DNMBP: variants seen among roughly 807,000 people sequenced by gnomAD.
DNMBP encodes the protein dynamin binding protein, also known as dynamin-binding protein.
A neutral mutation model predicts 150.0 loss-of-function variants in DNMBP; 87 were observed. The ratio of observed to expected loss-of-function variants is 0.58; its 90% CI spans 0.49 to 0.69. The LOEUF is 0.69. DNMBP is among the 30% of genes least tolerant of loss of function. The pLI, the probability that DNMBP is intolerant of heterozygous loss-of-function variation, is 0.00. For missense variants in DNMBP, 1,774 were observed against 1,949.0 expected (o/e 0.91, Z 1.69); for synonymous variants, 711 against 750.4 (o/e 0.95, Z 0.86).
In DNMBP at chr10:99,980,362, G is replaced by A. The variant is rs183285573; in HGVS notation, c.-10-8228C>T. Among the ~76,000 whole-genome samples, 4 of 151,588 alleles carry A rather than the reference G, an allele frequency of 2.6e-5. No individual in the cohort carries two copies. The South Asian group carries it at 8.3e-4, about 32-fold the overall frequency. On this transcript the variant is annotated intron_variant, in intron 1 of 16. Transcript: ENST00000324109. ...CTCAAGAGGCTGAGGCAGGAGAATCGTTTGAACCCAGAAGGCAGAGGTTGC... is the reference window on the plus strand; with the variant it reads ...CTCAAGAGGCTGAGGCAGGAGAATCATTTGAACCCAGAAGGCAGAGGTTGC...
At chr10:99,935,109 A>AG (rs1270039181) in intron 4 of DNMBP, among the ~76,000 whole-genome samples, 5 of 150,546 alleles carry the variant, frequency 3.3e-5, no homozygotes, top group African/African-American at 1.2e-4. Flanking sequence ...AAAAAAAAAA[A>AG]AAAAGAAAAG....
At chr10:99,925,984 G>A (rs1486318303) in intron 4 of DNMBP, among the ~76,000 whole-genome samples, 1 of 152,114 alleles carries the variant, frequency 6.6e-6, no homozygotes, top group Non-Finnish European at 1.5e-5. Context: ...CTCCTATTTT[G>A]TAGCCTTCCA....
intron 11 of DNMBP, 61 bp from the exon 12 acceptor site, chr10:99,889,014 C>G: frequency 1.9e-6 from 3 of 1,575,350 alleles, no homozygotes; most frequent in Non-Finnish European, 1.7e-6. Context: ...TTTTGTCATA[C>G]ATTCCAAGAC....
chr10:99,932,147 T>A (rs2040166690), intron 4 of DNMBP, among the ~76,000 whole-genome samples: 1 of 152,238 alleles, frequency 6.6e-6, no homozygotes, highest in Non-Finnish European at 1.5e-5. Context: ...CTTTTAGCTG[T>A]CTGGTCATTT....
intron 1 of DNMBP, among the ~76,000 whole-genome samples, chr10:99,985,898 G>A (rs1056806751): frequency 4.6e-5 from 7 of 152,102 alleles, no homozygotes; most frequent in Admixed American, 6.6e-5. Flanking sequence ...CCACAGGCAT[G>A]CACCACTATG....
At chr10:99,921,437 A>G (rs961035855) in intron 4 of DNMBP, among the ~76,000 whole-genome samples, 3 of 152,234 alleles carry the variant, frequency 2.0e-5, no homozygotes, top group African/African-American at 7.2e-5. Flanking sequence ...GTACTATGTT[A>G]GATTCTGGAA....
intron 4 of DNMBP, among the ~76,000 whole-genome samples, chr10:99,932,150 G>C (rs1178782538): frequency 6.6e-6 from 1 of 152,118 alleles, no homozygotes; most frequent in Non-Finnish European, 1.5e-5. Flanking sequence ...TTAGCTGTCT[G>C]GTCATTTCTT....
At position 99,900,020 on chromosome 10, in the gene DNMBP, C is replaced by T; in HGVS notation, c.2601G>A (p.Lys867=). 6.2e-7 allele frequency: 1 copy of T among 1,614,134 alleles called. No homozygotes were observed. The highest frequency in any genetic ancestry group is 8.5e-7 in the Non-Finnish European group (1 of 1,180,040). The change falls in exon 7 of 17, where the codon AAG becomes AAA. Residue 867 remains lysine, a synonymous_variant. Coordinates refer to ENST00000324109, the MANE Select transcript of DNMBP (RefSeq NM_015221.4). ...GHRDELEGTY[K]IYCQNHDEAI... Reference sequence around the variant, plus strand: ...CCTCATCATGATTCTGGCAGTAAATCTTGTATGTTCCCTCAAGCTCATCCC... The same window carrying T: ...CCTCATCATGATTCTGGCAGTAAATTTTGTATGTTCCCTCAAGCTCATCCC...
At chr10:99,973,960 G>A (rs1336793974) in intron 1 of DNMBP, among the ~76,000 whole-genome samples, 5 of 152,114 alleles carry the variant, frequency 3.3e-5, no homozygotes, top group Admixed American at 3.3e-4. Flanking sequence ...ATTCCAGCCT[G>A]GGTGACGGAG....
At chr10:99,900,329 G>C (rs2039720642) in intron 6 of DNMBP, among the ~76,000 whole-genome samples, 1 of 152,156 alleles carries the variant, frequency 6.6e-6, no homozygotes, top group South Asian at 2.1e-4. Context: ...ACCCAGGCTG[G>C]AGTGCAGTGG....
At chr10:100,002,828 TA>T (rs1197529336) in intron 1 of DNMBP, among the ~76,000 whole-genome samples, 1 of 152,168 alleles carries the variant, frequency 6.6e-6, no homozygotes, top group African/African-American at 2.4e-5. Flanking sequence ...AATACCTATT[TA>T]TGATGAAAAC....
chr10:99,972,548 GGCAT>G (rs2040689402), intron 1 of DNMBP, among the ~76,000 whole-genome samples: 1 of 152,158 alleles, frequency 6.6e-6, no homozygotes, highest in South Asian at 2.1e-4. Context: ...TGGGATTACA[GGCAT>G]GCTCCACTGT....
chr10:99,891,024 G>C, intron 11 of DNMBP, among the ~76,000 whole-genome samples: 1 of 152,208 alleles, frequency 6.6e-6, no homozygotes, highest in East Asian at 1.9e-4. Flanking sequence ...TAACCAGCTG[G>C]AAAAATAAAG....
chr10:99,909,842 A>C (rs1208702026), intron 4 of DNMBP, among the ~76,000 whole-genome samples: 1 of 152,242 alleles, frequency 6.6e-6, no homozygotes, highest in Non-Finnish European at 1.5e-5. Flanking sequence ...AAGTATAAGA[A>C]TCTCTAAGAA....
At chr10:99,895,532 C>T (rs2039640271) in intron 10 of DNMBP, among the ~76,000 whole-genome samples, 2 of 152,232 alleles carry the variant, frequency 1.3e-5, no homozygotes, top group South Asian at 2.1e-4. Flanking sequence ...TTTCAAAAGA[C>T]CTCCAAAATA....
intron 12 of DNMBP, among the ~76,000 whole-genome samples, chr10:99,887,201 A>C (rs2252192): frequency 0.15 from 22,988 of 151,566 alleles, 2,833 homozygotes; most frequent in African/African-American, 0.33. Flanking sequence ...GGATTACAGG[A>C]GTCAGCCACC....
rs146397226 is a variant in DNMBP, at chr10:99,888,074, C to T, written c.3285+751G>A. Among the ~76,000 whole-genome samples the T allele has an allele frequency of 7.6e-4, 116 of 152,224 alleles. 2 individuals carry two copies. Among genetic ancestry groups the T allele is most frequent in the African/African-American group, 2.7e-3 (112 of 41,544 alleles). On this transcript the variant is annotated intron_variant, in intron 12 of 16. Coordinates refer to ENST00000324109, the MANE Select transcript of DNMBP (RefSeq NM_015221.4). Reference sequence around the variant, plus strand: ...CCAACCTCAGGTGATCCGCCCACCTCGGCCTCCCAAAATGCTGGGATTAGA... The same window carrying T: ...CCAACCTCAGGTGATCCGCCCACCTTGGCCTCCCAAAATGCTGGGATTAGA...
chr10:99,917,831 G>C (rs2039980674), intron 4 of DNMBP, among the ~76,000 whole-genome samples: 1 of 151,846 alleles, frequency 6.6e-6, no homozygotes, highest in South Asian at 2.1e-4. Context: ...GGGCGCAGTG[G>C]TGCCCACCTG....
chr10:99,922,533 A>C lies in DNMBP; in HGVS notation c.2261-13387T>G, dbSNP rs1271981832. Among the ~76,000 whole-genome samples, 693 of 146,450 alleles carry C rather than the reference A, an allele frequency of 4.7e-3. 6 individuals carry two copies. The highest frequency in any genetic ancestry group is 0.016 in the African/African-American group (645 of 39,388). ...TTTTTTTTTTTTTTTTTCTTAAAAA[A>C]AAAAAAAAGATCTCACTCTCTTGCC... On this transcript the variant is annotated intron_variant, in intron 4 of 16. Transcript: ENST00000324109.
Sources: allele counts gnomAD v4.1 joint callset (sites outside exome capture counted in the v4.1 genomes callset), GRCh38; gene constraint gnomAD v4.1.1; transcripts MANE v1.5; gene names NCBI Gene and HGNC (gene_info 2026-07-23, HGNC 2026-07-21).